LOC128462377: variants seen among roughly 807,000 people sequenced by gnomAD.
At chr16:89,366,691 G>C in the LOC128462377 span, among the ~76,000 whole-genome samples, 1 of 152,184 alleles carries the variant, frequency 6.6e-6, no homozygotes, top group Admixed American at 6.5e-5. Context: ...TCTAGACAGA[G>C]GTGCGGCACA....
the LOC128462377 span, among the ~76,000 whole-genome samples, chr16:89,349,135 A>T: frequency 2.9e-5 from 1 of 34,626 alleles, no homozygotes; most frequent in Non-Finnish European, 5.4e-5. Context: ...CTCAAAAAGT[A>T]AAAAAAAAAA....
chr16:89,390,480 T>A, the LOC128462377 span, among the ~76,000 whole-genome samples: 3 of 151,938 alleles, frequency 2.0e-5, no homozygotes, highest in Non-Finnish European at 4.4e-5. Flanking sequence ...CAGAAAAAAA[T>A]ACGTGAAGGA....
chr16:89,397,477 C>A, the LOC128462377 span, among the ~76,000 whole-genome samples: 2 of 152,354 alleles, frequency 1.3e-5, no homozygotes, highest in South Asian at 4.1e-4. Context: ...AGGAAGCAGG[C>A]CTTCCCCGTG....
chr16:89,363,280 C>G, the LOC128462377 span, among the ~76,000 whole-genome samples: 1 of 152,044 alleles, frequency 6.6e-6, no homozygotes, highest in Non-Finnish European at 1.5e-5. Flanking sequence ...TCTAAATTCA[C>G]CCTGTATTTG....
the LOC128462377 span, chr16:89,323,853 A>G: frequency 1.3e-3 from 281 of 222,302 alleles, 1 homozygote; most frequent in Middle Eastern, 3.2e-3. Flanking sequence ...GACTCCTAAC[A>G]TGGGTGTCCT....
the LOC128462377 span, among the ~76,000 whole-genome samples, chr16:89,325,348 G>A: frequency 3.9e-5 from 6 of 152,192 alleles, no homozygotes; most frequent in African/African-American, 1.2e-4. Flanking sequence ...TAAGGCAGGA[G>A]GATCACTTGA....
At chr16:89,366,558 C>T in the LOC128462377 span, among the ~76,000 whole-genome samples, 1 of 152,184 alleles carries the variant, frequency 6.6e-6, no homozygotes, top group Admixed American at 6.5e-5. Context: ...GTGAGAAACC[C>T]AGTTTTCACG....
chr16:89,374,363 ACACT>A, the LOC128462377 span, among the ~76,000 whole-genome samples: 4,416 of 152,128 alleles, frequency 0.029, 144 homozygotes, highest in African/African-American at 0.074. Flanking sequence ...AATAATAATC[ACACT>A]CACCTGTTTA....
At chr16:89,354,453 G>T in the LOC128462377 span, among the ~76,000 whole-genome samples, 2 of 152,202 alleles carry the variant, frequency 1.3e-5, no homozygotes, top group Non-Finnish European at 2.9e-5. Context: ...TGCAGAGCCA[G>T]CCCACCTCCC....
chr16:89,408,637 G>A, the LOC128462377 span, among the ~76,000 whole-genome samples: 1 of 152,128 alleles, frequency 6.6e-6, no homozygotes, highest in Non-Finnish European at 1.5e-5. Flanking sequence ...CGTGCCCACA[G>A]CTACAGCAGC....
chr16:89,318,508 T>G, the LOC128462377 span, among the ~76,000 whole-genome samples: 1 of 152,222 alleles, frequency 6.6e-6, no homozygotes, highest in Non-Finnish European at 1.5e-5. Flanking sequence ...CTCCCCTGCA[T>G]TTACCCATCT....
chr16:89,371,201 T>A, the LOC128462377 span, among the ~76,000 whole-genome samples: 1 of 152,088 alleles, frequency 6.6e-6, no homozygotes, highest in Non-Finnish European at 1.5e-5. Flanking sequence ...ATGCAACGAC[T>A]CTCACTACCT....
the LOC128462377 span, among the ~76,000 whole-genome samples, chr16:89,399,632 G>C: frequency 2.6e-5 from 4 of 152,266 alleles, no homozygotes; most frequent in South Asian, 8.3e-4. Flanking sequence ...CACAGCACCC[G>C]GTGGACCCTG....
the LOC128462377 span, among the ~76,000 whole-genome samples, chr16:89,363,283 T>C: frequency 1.4e-4 from 22 of 152,290 alleles, no homozygotes; most frequent in African/African-American, 4.3e-4. Flanking sequence ...AAATTCACCC[T>C]GTATTTGACG....
chr16:89,414,727 G>T, the LOC128462377 span, among the ~76,000 whole-genome samples: 1 of 152,158 alleles, frequency 6.6e-6, no homozygotes, highest in African/African-American at 2.4e-5. Flanking sequence ...TGTCACTGCG[G>T]CCACACCTGG....
At chr16:89,321,741 C>T in the LOC128462377 span, among the ~76,000 whole-genome samples, 5 of 152,070 alleles carry the variant, frequency 3.3e-5, no homozygotes, top group Non-Finnish European at 7.4e-5. Context: ...AATTCACCTT[C>T]AATAAAGGGA....
the LOC128462377 span, among the ~76,000 whole-genome samples, chr16:89,384,328 C>T: frequency 1.3e-5 from 2 of 152,140 alleles, no homozygotes; most frequent in East Asian, 1.9e-4. Flanking sequence ...GTCAGGAGTT[C>T]GAGACCAGCC....
chr16:89,373,103 G>A, the LOC128462377 span: 5 of 152,316 alleles, frequency 3.3e-5, no homozygotes, highest in East Asian at 1.9e-4. Context: ...GCATATCACC[G>A]GGGTTCAAAT....
chr16:89,353,605 G>T, the LOC128462377 span, among the ~76,000 whole-genome samples: 1 of 151,968 alleles, frequency 6.6e-6, no homozygotes, highest in Non-Finnish European at 1.5e-5. Context: ...AGCCTCCCTA[G>T]TAGCTGGGAT....
Sources: gnomAD v4.1 joint callset for allele counts (sites outside exome capture counted in the v4.1 genomes callset) on GRCh38, gnomAD v4.1.1 for gene constraint, MANE v1.5 for transcripts.